The following VIT variants were observed in gnomAD, a reference collection of about 807,000 sequenced individuals.
VIT encodes vitrin.
VIT carries 99 observed loss-of-function variants against 78.0 expected under a neutral mutation model. The observed-to-expected ratio is 1.27, with a 90% confidence interval of 1.08 to 1.50. The LOEUF (loss-of-function observed/expected upper bound fraction) is 1.50. VIT is among the 40% of genes most tolerant of loss of function. The probability of loss-of-function intolerance (pLI) is 0.00; values close to 1 mark genes in which losing one functional copy is unlikely to be tolerated. For synonymous variants in VIT, 374 were observed against 334.3 expected, an observed-to-expected ratio of 1.12 and a Z score of -1.29; for missense variants, 1,126 against 875.3, an observed-to-expected ratio of 1.29 and a Z score of -3.61.
intron 12 of VIT, among the ~76,000 whole-genome samples, chr2:36,791,133 G>T (rs1446373953): frequency 6.6e-6 from 1 of 152,168 alleles, no homozygotes; most frequent in Non-Finnish European, 1.5e-5. Flanking sequence ...GGAACTGTTG[G>T]TTTTTTCTTC....
chr2:36,736,210 T>G (rs1667500698), intron 3 of VIT, among the ~76,000 whole-genome samples: 6 of 152,212 alleles, frequency 3.9e-5, no homozygotes, highest in African/African-American at 1.4e-4. Context: ...GCATTTTTCT[T>G]GATTGTTTAA....
chr2:36,744,886 T>C (rs574481888), intron 4 of VIT, among the ~76,000 whole-genome samples: 3 of 152,226 alleles, frequency 2.0e-5, no homozygotes, highest in Non-Finnish European at 4.4e-5. Flanking sequence ...ATAAATTCTT[T>C]GCCAAGACCA....
intron 5 of VIT, among the ~76,000 whole-genome samples, chr2:36,756,307 C>A (rs926750923): frequency 3.3e-5 from 5 of 152,158 alleles, no homozygotes; most frequent in African/African-American, 1.2e-4. Context: ...AAACCTGAAT[C>A]TCCCATTTTC....
chr2:36,722,717 G>A (rs1330102334), intron 2 of VIT, among the ~76,000 whole-genome samples: 1 of 152,148 alleles, frequency 6.6e-6, no homozygotes, highest in Non-Finnish European at 1.5e-5. Context: ...CAAATATGCA[G>A]TAAGTACCTA....
chr2:36,697,775 A>G (rs990921811), intron 1 of VIT, among the ~76,000 whole-genome samples: 9 of 152,250 alleles, frequency 5.9e-5, no homozygotes, highest in African/African-American at 2.2e-4. Flanking sequence ...TCCTAAATCA[A>G]GAGTGGAATT....
Position 36,743,067 on chromosome 2 carries a change from A to C in VIT, c.119-33A>C, listed in dbSNP as rs375234461. On this transcript the variant is annotated intron_variant, in intron 3 of 15. Transcript: ENST00000379242. ...ACCCCACAGATAAACTAATAGCACAAGGTGTAATTTTGACCTCATTTTGTA... is the reference window on the plus strand; with the variant it reads ...ACCCCACAGATAAACTAATAGCACACGGTGTAATTTTGACCTCATTTTGTA... 6.2e-6 allele frequency: 10 copies of C among 1,612,028 alleles called. No individual in the cohort carries two copies. In the African/African-American group the frequency reaches 1.2e-4, roughly 19 times the overall value.
At chr2:36,746,865 T>G (rs991982276) in intron 4 of VIT, among the ~76,000 whole-genome samples, 4 of 152,138 alleles carry the variant, frequency 2.6e-5, no homozygotes, top group African/African-American at 9.7e-5. Context: ...GTGTTCTTAT[T>G]TTTATATTTC....
At chr2:36,769,003 C>G (rs908744139) in intron 7 of VIT, among the ~76,000 whole-genome samples, 2 of 152,148 alleles carry the variant, frequency 1.3e-5, no homozygotes. Flanking sequence ...TGAAATACAT[C>G]AAACACTCCT....
At chr2:36,810,185 G>C (rs1484060174) in intron 15 of VIT, among the ~76,000 whole-genome samples, 1 of 152,152 alleles carries the variant, frequency 6.6e-6, no homozygotes, top group Non-Finnish European at 1.5e-5. Flanking sequence ...CAGCTACTCA[G>C]GAGGCTGAGG....
intron 1 of VIT, among the ~76,000 whole-genome samples, chr2:36,709,116 C>T (rs1337635355): frequency 6.6e-6 from 1 of 152,088 alleles, no homozygotes; most frequent in Non-Finnish European, 1.5e-5. Context: ...CGCCACTGCA[C>T]TCCAGCCTGA....
intron 2 of VIT, 94 bp downstream of exon 2, chr2:36,716,516 C>A: frequency 2.8e-6 from 3 of 1,060,134 alleles, no homozygotes; most frequent in East Asian, 2.4e-5. Flanking sequence ...CAAGACAGAG[C>A]ATATAAACAA....
At chr2:36,761,113 G>C (rs185742115) in intron 6 of VIT, among the ~76,000 whole-genome samples, 2 of 152,280 alleles carry the variant, frequency 1.3e-5, no homozygotes, top group East Asian at 3.9e-4. Flanking sequence ...TGCGAGCTCT[G>C]TTGCTGTATT....
chr2:36,709,111 C>G (rs1260545810), intron 1 of VIT, among the ~76,000 whole-genome samples: 1 of 152,158 alleles, frequency 6.6e-6, no homozygotes, highest in Non-Finnish European at 1.5e-5. Flanking sequence ...GATCACGCCA[C>G]TGCACTCCAG....
At chr2:36,738,149 C>G (rs1212801804) in intron 3 of VIT, among the ~76,000 whole-genome samples, 1 of 152,190 alleles carries the variant, frequency 6.6e-6, no homozygotes, top group Non-Finnish European at 1.5e-5. Flanking sequence ...AAGATATATA[C>G]TGCATTCACC....
intron 2 of VIT, among the ~76,000 whole-genome samples, chr2:36,720,109 G>A (rs935751074): frequency 5.9e-5 from 9 of 152,050 alleles, no homozygotes; most frequent in Admixed American, 1.3e-4. Context: ...TTGAAATTCC[G>A]ATGGCATTTT....
At chr2:36,812,685 G>T (rs887563693) in intron 15 of VIT, among the ~76,000 whole-genome samples, 9 of 151,920 alleles carry the variant, frequency 5.9e-5, no homozygotes, top group Non-Finnish European at 8.8e-5. Flanking sequence ...TTCTGCTCCA[G>T]TTACCACCTA....
chr2:36,784,573 A>G lies in VIT; in HGVS notation c.910+1171A>G, dbSNP rs1664969632. Among the ~76,000 whole-genome samples, 4 of 152,362 alleles carry G rather than the reference A, an allele frequency of 2.6e-5. No homozygotes were observed. The South Asian group carries it at 8.3e-4, about 32-fold the overall frequency. On this transcript the variant is annotated intron_variant, in intron 11 of 15. Transcript: ENST00000379242. ...ATGTACATGACTGTGGTATGTATCC[A>G]GAGTTAAGAAACACTGGCCTGATGT...
At chr2:36,789,597 T>C (rs1180030887) in intron 12 of VIT, among the ~76,000 whole-genome samples, 1 of 152,114 alleles carries the variant, frequency 6.6e-6, no homozygotes, top group Non-Finnish European at 1.5e-5. Context: ...GCTGTTGGTT[T>C]CACTTGCCCA....
intron 1 of VIT, among the ~76,000 whole-genome samples, chr2:36,709,125 G>C (rs964997576): frequency 2.0e-5 from 3 of 152,186 alleles, no homozygotes; most frequent in African/African-American, 7.2e-5. Context: ...ACTCCAGCCT[G>C]AGTGACAGAG....
Sources: allele counts gnomAD v4.1 joint callset (sites outside exome capture counted in the v4.1 genomes callset), GRCh38; gene constraint gnomAD v4.1.1; transcripts MANE v1.5; gene names NCBI Gene and HGNC (gene_info 2026-07-23, HGNC 2026-07-21).